CA10: variants seen among roughly 807,000 people sequenced by gnomAD.
The protein encoded by CA10 is carbonic anhydrase-related protein 10.
CA10 carries 14 observed loss-of-function variants against 44.2 expected under a neutral mutation model. The observed-to-expected ratio is 0.32, with a 90% CI of 0.21 to 0.50. The LOEUF (loss-of-function observed/expected upper bound fraction) is 0.50. Ranked by LOEUF, CA10 falls within the 20% of genes least tolerant of loss-of-function variation. The pLI is 0.99. For synonymous variants in CA10, 159 were observed against 141.6 expected, an observed-to-expected ratio of 1.12 and a Z score of -0.87; for missense variants, 350 against 409.7, an observed-to-expected ratio of 0.85 and a Z score of 1.26.
chr17:51,962,436 G>A (rs1290184106), intron 2 of CA10, among the ~76,000 whole-genome samples: 2 of 152,306 alleles, frequency 1.3e-5, no homozygotes, highest in African/African-American at 2.4e-5. Flanking sequence ...AACCCCTCAG[G>A]ACTGAGGAGA....
At chr17:52,029,892 GTATTA>G (rs1986413702) in intron 2 of CA10, among the ~76,000 whole-genome samples, 1 of 152,158 alleles carries the variant, frequency 6.6e-6, no homozygotes, top group African/African-American at 2.4e-5. Flanking sequence ...ATAATTTATT[GTATTA>G]TAATACATAT....
intron 2 of CA10, among the ~76,000 whole-genome samples, chr17:51,940,168 A>G (rs1368375327): frequency 2.0e-5 from 3 of 152,090 alleles, no homozygotes; most frequent in Non-Finnish European, 4.4e-5. Context: ...TCACCATCAA[A>G]CTGAACGCCC....
At chr17:52,100,545 C>G (rs1241860314) in intron 1 of CA10, among the ~76,000 whole-genome samples, 1 of 152,152 alleles carries the variant, frequency 6.6e-6, no homozygotes, top group Admixed American at 6.5e-5. Flanking sequence ...AAGAGGTAAG[C>G]AACTTCTGAA....
At chr17:51,830,222 AG>A (rs945079712) in intron 3 of CA10, among the ~76,000 whole-genome samples, 1 of 151,316 alleles carries the variant, frequency 6.6e-6, no homozygotes, top group African/African-American at 2.4e-5. Flanking sequence ...AAAAAGAAAA[AG>A]AAAAAAAAGA....
At position 51,820,050 on chromosome 17, in the gene CA10, G is replaced by A. The variant is rs532137617; in HGVS notation, c.280-72232C>T. Among the ~76,000 whole-genome samples the A allele has an allele frequency of 2.6e-4, 39 of 152,132 alleles. No individual in the cohort carries two copies. In the South Asian group the frequency reaches 2.7e-3, roughly 11 times the overall value. ...CTTAATCATTATAAGAACCTGATGAGGCTGTTACTGCCATTGTTCCTGTAA... is the reference window on the plus strand; with the variant it reads ...CTTAATCATTATAAGAACCTGATGAAGCTGTTACTGCCATTGTTCCTGTAA... On this transcript the variant is annotated intron_variant, in intron 3 of 8. Transcript: ENST00000451037.
chr17:51,796,934 G>T (rs760060037), intron 3 of CA10, among the ~76,000 whole-genome samples: 14 of 152,114 alleles, frequency 9.2e-5, no homozygotes, highest in Non-Finnish European at 1.8e-4. Context: ...GAGGATAATT[G>T]TTAGGGTGAC....
intron 4 of CA10, among the ~76,000 whole-genome samples, chr17:51,691,366 T>C (rs1454829700): frequency 6.6e-6 from 1 of 152,256 alleles, no homozygotes; most frequent in African/African-American, 2.4e-5. Flanking sequence ...TGGTCATCGG[T>C]ATGTCATTTT....
chr17:51,881,582 AG>A (rs1172567534), intron 3 of CA10, among the ~76,000 whole-genome samples: 1 of 152,164 alleles, frequency 6.6e-6, no homozygotes, highest in Non-Finnish European at 1.5e-5. Flanking sequence ...AATATAAAAA[AG>A]ACAGCCTATC....
chr17:51,948,689 T>C (rs1005325729), intron 2 of CA10, among the ~76,000 whole-genome samples: 5 of 152,186 alleles, frequency 3.3e-5, no homozygotes, highest in East Asian at 3.9e-4. Flanking sequence ...GTCTTTTATG[T>C]GTGTGCCTTT....
At chr17:51,675,320 G>A (rs1044352712) in intron 4 of CA10, among the ~76,000 whole-genome samples, 3 of 152,162 alleles carry the variant, frequency 2.0e-5, no homozygotes, top group African/African-American at 7.2e-5. Flanking sequence ...AGCACTTTGG[G>A]AGGCCAAGGC....
chr17:52,156,946 A>G, intron 1 of CA10, among the ~76,000 whole-genome samples: 1 of 152,128 alleles, frequency 6.6e-6, no homozygotes, highest in East Asian at 1.9e-4. Flanking sequence ...AGTGCTCAAA[A>G]ACCAGAACTC....
chr17:51,933,602 G>C (rs767433464), intron 2 of CA10, among the ~76,000 whole-genome samples: 6 of 152,102 alleles, frequency 3.9e-5, no homozygotes, highest in Non-Finnish European at 8.8e-5. Context: ...CCATGCAGTT[G>C]TGATCATTTG....
chr17:51,744,392 C>G (rs1045970235), intron 4 of CA10, among the ~76,000 whole-genome samples: 6 of 151,910 alleles, frequency 3.9e-5, no homozygotes, highest in African/African-American at 1.5e-4. Context: ...TTCCCCTGCT[C>G]ATTCGAATGT....
In CA10 at chr17:51,878,893, G is replaced by GGTGTGTGTGT. The variant is rs375444434; in HGVS notation, c.279+52087_279+52096dup. ...ATATATATATATATATATATATATG[G>GGTGTGTGTGT]GTGTGTGTGTGTGTGTGTGTATGTG... On this transcript the variant is annotated intron_variant, in intron 3 of 8. Transcript: ENST00000451037. Among the ~76,000 whole-genome samples, 456 of 52,280 alleles carry GGTGTGTGTGT rather than the reference G, an allele frequency of 8.7e-3. 20 individuals carry two copies. Among genetic ancestry groups the GGTGTGTGTGT allele is most frequent in the East Asian group, 0.028 (36 of 1,308 alleles). 34.3% of individuals were successfully genotyped at this position (52,280 alleles called of 152,430 possible).
intron 1 of CA10, among the ~76,000 whole-genome samples, chr17:52,130,332 G>T (rs1157010071): frequency 2.6e-5 from 4 of 152,162 alleles, no homozygotes; most frequent in Non-Finnish European, 5.9e-5. Flanking sequence ...GGGATCAGAG[G>T]TTGAAGAGAT....
At chr17:52,130,687 C>T (rs1989219032) in intron 1 of CA10, among the ~76,000 whole-genome samples, 1 of 151,944 alleles carries the variant, frequency 6.6e-6, no homozygotes, top group Non-Finnish European at 1.5e-5. Context: ...ATATACATGT[C>T]TTTTTTTCTT....
intron 1 of CA10, among the ~76,000 whole-genome samples, chr17:52,099,486 G>C (rs571128303): frequency 4.7e-4 from 72 of 152,294 alleles, no homozygotes; most frequent in South Asian, 2.7e-3. Context: ...GGCATCAGCA[G>C]TCAGTTGGCT....
chr17:52,087,972 C>A (rs9910676), intron 1 of CA10, among the ~76,000 whole-genome samples: 92,826 of 151,976 alleles, frequency 0.61, 29,785 homozygotes, highest in African/African-American at 0.81. Context: ...TATCCTTAGT[C>A]ATAGGACCAG....
At chr17:51,841,112 T>G (rs1392129840) in intron 3 of CA10, among the ~76,000 whole-genome samples, 1 of 152,170 alleles carries the variant, frequency 6.6e-6, no homozygotes, top group East Asian at 1.9e-4. Context: ...CAAGTCCCTT[T>G]TGTTTACCCA....
Sources: allele counts gnomAD v4.1 joint callset (sites outside exome capture counted in the v4.1 genomes callset), GRCh38; gene constraint gnomAD v4.1.1; transcripts MANE v1.5; gene names NCBI Gene and HGNC (gene_info 2026-07-23, HGNC 2026-07-21).